Variants in POU2AF1 observed in about 807,000 individuals in gnomAD.
POU2AF1 encodes POU class 2 homeobox associating factor 1.
Under a neutral mutation model 26.3 loss-of-function variants are expected in POU2AF1, and 12 were observed. The ratio of observed to expected loss-of-function variants is 0.46; its 90% CI spans 0.29 to 0.74. The LOEUF is 0.74. Among genes scored for constraint, POU2AF1 ranks in the 30% least tolerant of loss-of-function variants. POU2AF1 has a pLI of 0.09. For missense variants in POU2AF1, 297 were observed against 334.5 expected, an observed-to-expected ratio of 0.89 and a Z score of 0.87; for synonymous variants, 175 against 148.0, an observed-to-expected ratio of 1.18 and a Z score of -1.32.
At chr11:111,355,191 G>A (rs78963699) in intron 4 of POU2AF1, among the ~76,000 whole-genome samples, 4 of 152,268 alleles carry the variant, frequency 2.6e-5, no homozygotes, top group Non-Finnish European at 5.9e-5. Flanking sequence ...AGCAAACTTG[G>A]CCTTCCTTCC....
rs137903095 is a variant in POU2AF1 at position 111,354,519 on chromosome 11, C to T, written c.513G>A (p.Gln171=). 97 of 1,578,760 alleles carry T rather than the reference C, an allele frequency of 6.1e-5. No homozygotes were observed. The highest frequency in any genetic ancestry group is 5.1e-4 in the Middle Eastern group (3 of 5,856). ...GCCACGGGAAATAGGTGAGGGGTGC[C>T]TGGTGCTCTGGGCCCTCCAGCGGGG... The part of the protein sequence containing the change: ...VGPPLEGPEH[Q]APLTYFPWPQ... The change falls in exon 5 of 5, where the codon CAG becomes CAA. Residue 171 remains glutamine, a synonymous_variant. Coordinates refer to ENST00000393067, the MANE Select transcript of POU2AF1 (RefSeq NM_006235.3).
chr11:111,365,397 G>A (rs750297583), intron 1 of POU2AF1, among the ~76,000 whole-genome samples: 10 of 152,060 alleles, frequency 6.6e-5, no homozygotes, highest in Non-Finnish European at 1.3e-4. Flanking sequence ...CCTTGTAGCC[G>A]TACAAGGCCA....
intron 1 of POU2AF1, chr11:111,377,942 A>T (rs532099077): frequency 7.0e-5 from 12 of 172,342 alleles, no homozygotes; most frequent in Admixed American, 3.8e-4. Flanking sequence ...ATTAAAGCTC[A>T]TTTCTCTTTA....
chr11:111,359,991 G>T (rs745724457), intron 1 of POU2AF1: 1 of 519,052 alleles, frequency 1.9e-6, no homozygotes, highest in East Asian at 5.4e-5. Flanking sequence ...GTACCCTGGG[G>T]CCAGACAGTG....
chr11:111,369,242 C>T (rs1271022145), intron 1 of POU2AF1, among the ~76,000 whole-genome samples: 1 of 152,176 alleles, frequency 6.6e-6, no homozygotes, highest in African/African-American at 2.4e-5. Context: ...TATAAAGATA[C>T]GATGAGCTGA....
At chr11:111,363,903 C>A in intron 1 of POU2AF1, 1 of 985,354 alleles carries the variant, frequency 1.0e-6, no homozygotes, top group Non-Finnish European at 1.2e-6. Context: ...GGAGGAAAAT[C>A]TTTCCACCTT....
intron 1 of POU2AF1, among the ~76,000 whole-genome samples, chr11:111,365,243 C>T (rs765443247): frequency 3.3e-5 from 5 of 152,204 alleles, no homozygotes; most frequent in Non-Finnish European, 7.3e-5. Flanking sequence ...CTGGATAATG[C>T]TCAGCTTTGC....
intron 2 of POU2AF1, among the ~76,000 whole-genome samples, chr11:111,358,438 A>AC (rs1442265715): frequency 1.8e-4 from 16 of 87,244 alleles, no homozygotes; most frequent in African/African-American, 7.0e-4. Context: ...TCTCACACTC[A>AC]CTCTCACACA....
At chr11:111,358,966 C>T in intron 1 of POU2AF1, 48 bp from the exon 2 acceptor site, 2 of 1,559,874 alleles carry the variant, frequency 1.3e-6, no homozygotes, top group Non-Finnish European at 1.7e-6. Flanking sequence ...TCAGACGAGC[C>T]CCCACCCCAA....
intron 4 of POU2AF1, 23 bp downstream of exon 4, chr11:111,357,422 A>G (rs746378318): frequency 6.2e-7 from 1 of 1,614,126 alleles, no homozygotes; most frequent in Non-Finnish European, 8.5e-7. Flanking sequence ...GGGCGGGTGC[A>G]GTCCTGCCTT....
chr11:111,374,676 C>A (rs957567125), intron 1 of POU2AF1, among the ~76,000 whole-genome samples: 2 of 152,074 alleles, frequency 1.3e-5, no homozygotes, highest in African/African-American at 4.8e-5. Context: ...GCCTGGGTGA[C>A]AGAGCAAGAC....
chr11:111,361,845 T>C lies in POU2AF1; in HGVS notation c.17-2927A>G, dbSNP rs534776855. On this transcript the variant is annotated intron_variant, in intron 1 of 4. Coordinates refer to ENST00000393067, the MANE Select transcript of POU2AF1 (RefSeq NM_006235.3). The stretch of plus-strand genomic sequence containing the variant: ...AGTTTGGCACAGAGCATTTAATACA[T>C]GTGAGCTCCGATTATCATGAGTATT... 2.0e-5 allele frequency among the ~76,000 whole-genome samples: 3 copies of C among 152,344 alleles called. No homozygotes were observed. The South Asian group carries it at 6.2e-4, about 32-fold the overall frequency.
rs77466420 is a variant in POU2AF1 at position 111,373,735 on chromosome 11, C to T, written c.16+5427G>A. On this transcript the variant is annotated intron_variant, in intron 1 of 4. Transcript: ENST00000393067. ...ATTATCTGTAGAATGGAAAGTAAAA[C>T]CCCTGGCTCCTGCCTACAAGTGCTT... 4.2e-3 allele frequency among the ~76,000 whole-genome samples: 388 copies of T among 91,592 alleles called. 4 individuals are homozygous for T. The highest frequency in any genetic ancestry group is 0.017 in the African/African-American group (377 of 22,388). The allele number at this position is 91,592 out of a possible 152,430, so 60.1% of individuals were successfully genotyped here.
At chr11:111,360,129 C>A in intron 1 of POU2AF1, 1 of 484,604 alleles carries the variant, frequency 2.1e-6, no homozygotes, top group Non-Finnish European at 4.1e-6. Context: ...GAAAAGCAGC[C>A]GTGGCTGGGA....
intron 4 of POU2AF1, among the ~76,000 whole-genome samples, chr11:111,356,295 T>C (rs535549785): frequency 6.6e-6 from 1 of 152,288 alleles, no homozygotes; most frequent in South Asian, 2.1e-4. Context: ...TTGGATTAAC[T>C]CCTTCTTATC....
intron 1 of POU2AF1, among the ~76,000 whole-genome samples, chr11:111,367,412 T>C (rs1442224849): frequency 2.6e-5 from 4 of 152,174 alleles, no homozygotes; most frequent in Admixed American, 2.0e-4. Context: ...CAGTACAACG[T>C]ATTCCTCTTC....
chr11:111,375,886 G>T (rs4938509), intron 1 of POU2AF1, among the ~76,000 whole-genome samples: 87,859 of 152,018 alleles, frequency 0.58, 26,936 homozygotes, highest in Admixed American at 0.72. Flanking sequence ...ATGATAGACA[G>T]AGCTGTGTTC....
At chr11:111,358,561 C>A (rs544761938) in intron 2 of POU2AF1, among the ~76,000 whole-genome samples, 3 of 151,170 alleles carry the variant, frequency 2.0e-5, no homozygotes, top group Non-Finnish European at 3.0e-5. Context: ...CACTCACATG[C>A]ATACACTCAC....
intron 1 of POU2AF1, among the ~76,000 whole-genome samples, chr11:111,375,414 T>TTTTTTTAA (rs1861289246): frequency 6.8e-6 from 1 of 146,060 alleles, no homozygotes; most frequent in African/African-American, 2.5e-5. Flanking sequence ...TTTTTTTTTT[T>TTTTTTTAA]GAGGCGGAGT....
Sources: allele counts gnomAD v4.1 joint callset (sites outside exome capture counted in the v4.1 genomes callset), GRCh38; gene constraint gnomAD v4.1.1; transcripts MANE v1.5; gene names NCBI Gene and HGNC (gene_info 2026-07-23, HGNC 2026-07-21).